CASP9: variants seen among roughly 807,000 people sequenced by gnomAD.
CASP9 encodes caspase 9.
In CASP9, 29 loss-of-function variants were observed where a neutral mutation model predicts 43.5. The ratio of observed to expected loss-of-function variants is 0.67; its 90% confidence interval spans 0.50 to 0.91. CASP9 has a LOEUF of 0.91. Among genes scored for constraint, CASP9 ranks in the 40% least tolerant of loss-of-function variants. CASP9 has a pLI of 0.00. For missense variants in CASP9, 575 were observed against 537.4 expected (o/e 1.07, Z -0.69); for synonymous variants, 206 against 211.9 (o/e 0.97, Z 0.24).
chr1:15,524,052 G>C lies in CASP9; in HGVS notation c.132+17C>G. The C allele has an allele frequency of 7.0e-7, 1 of 1,433,990 alleles. No homozygotes were observed. The highest frequency in any genetic ancestry group is 1.3e-5 in the South Asian group (1 of 78,996). 88.8% of individuals were successfully genotyped at this position (1,433,990 alleles called of 1,614,324 possible). ...GACCCGGCCGTGCAGCGCGGGGACA[G>C]GGGGCCGGGGGCGCACCTGGATGTC... On this transcript the variant is annotated intron_variant, in intron 1 of 8. Transcript: ENST00000333868.
At position 15,494,047 on chromosome 1, in the gene CASP9, G is replaced by A. The variant is rs563825072; in HGVS notation, c.1049-46C>T. The A allele has an allele frequency of 4.4e-5, 67 of 1,539,158 alleles. 1 individual carries two copies. Among genetic ancestry groups the A allele is most frequent in the Non-Finnish European group, 5.6e-5 (64 of 1,146,486 alleles). On this transcript the variant is annotated intron_variant, in intron 7 of 8. Transcript: ENST00000333868. ...AACACTGCTGGAGAGCCACCCCTCCGCCGGCTCCCCACCACCCCTCTGGCC... is the reference window on the plus strand; with the variant it reads ...AACACTGCTGGAGAGCCACCCCTCCACCGGCTCCCCACCACCCCTCTGGCC...
At chr1:15,520,612 C>T (rs1003951900) in intron 1 of CASP9, among the ~76,000 whole-genome samples, 1 of 152,190 alleles carries the variant, frequency 6.6e-6, no homozygotes, top group African/African-American at 2.4e-5. Flanking sequence ...CTTGGTCAAG[C>T]GGTAATGCCA....
chr1:15,498,078 GT>G (rs1326411982), intron 6 of CASP9, among the ~76,000 whole-genome samples: 1 of 151,720 alleles, frequency 6.6e-6, no homozygotes, highest in Admixed American at 6.6e-5. Flanking sequence ...TTGGGGGATT[GT>G]TTTTTGTTTT....
chr1:15,513,393 A>C (rs767806144), intron 2 of CASP9, among the ~76,000 whole-genome samples: 2 of 152,122 alleles, frequency 1.3e-5, no homozygotes, highest in African/African-American at 2.4e-5. Flanking sequence ...CCTCCCGGGC[A>C]AGAGGCCCTG....
At chr1:15,495,546 AGT>A in intron 6 of CASP9, 94 bp from the exon 7 acceptor site, 1 of 1,113,340 alleles carries the variant, frequency 9.0e-7, no homozygotes, top group Non-Finnish European at 1.2e-6. Context: ...CTACATTAAC[AGT>A]GTGAAAGGAA....
chr1:15,522,528 C>G (rs1710243641), intron 1 of CASP9, among the ~76,000 whole-genome samples: 1 of 151,912 alleles, frequency 6.6e-6, no homozygotes, highest in South Asian at 2.1e-4. Flanking sequence ...GGCAACATAG[C>G]AAGACTCCTA....
chr1:15,516,064 T>C (rs890049578), intron 2 of CASP9, among the ~76,000 whole-genome samples: 1 of 151,986 alleles, frequency 6.6e-6, no homozygotes, highest in Admixed American at 6.6e-5. Context: ...TAGCCAGGCA[T>C]GGTGGCGGCT....
Position 15,518,376 on chromosome 1 carries a change from C to T in CASP9, c.152G>A (p.Arg51Gln), listed in dbSNP as rs755995677. 5 of 1,612,432 alleles carry T rather than the reference C, an allele frequency of 3.1e-6. No individual in the cohort carries two copies. Among genetic ancestry groups the T allele is most frequent in the South Asian group, 1.1e-5 (1 of 91,086 alleles). ...EDIQRAGSGS[R>Q]RDQARQLIID... ...GATCAGCTGCCTGGCCTGATCCCGC[C>T]GAGATCCAGAGCCTGCCCGCTGTTT... The change falls in exon 2 of 9, where the codon CGG becomes CAG. Residue 51 changes from arginine (R) to glutamine (Q), a missense_variant. Coordinates refer to ENST00000333868, the MANE Select transcript of CASP9 (RefSeq NM_001229.5).
intron 1 of CASP9, among the ~76,000 whole-genome samples, chr1:15,521,772 G>T (rs996788588): frequency 1.3e-5 from 2 of 148,736 alleles, no homozygotes; most frequent in African/African-American, 2.6e-5. Flanking sequence ...GGGCCCAGCT[G>T]TCTTTTTTTC....
At chr1:15,500,523 T>G (rs1172197189) in intron 6 of CASP9, among the ~76,000 whole-genome samples, 1 of 152,200 alleles carries the variant, frequency 6.6e-6, no homozygotes, top group African/African-American at 2.4e-5. Context: ...CCAGCTGATA[T>G]GAGGGGCGCG....
Position 15,495,369 on chromosome 1 carries a change from G to T in CASP9, c.952C>A (p.Pro318Thr). ...AAGGTCCTCAAACCTTCCTGGAACG[G>T]GGTGGCATCTGGCTCGGGGTTACTG... ...PGSNPEPDAT[P>T]FQEGLRTFDQ... is the part of the protein sequence containing the mutation. The change falls in exon 7 of 9, where the codon CCG becomes ACG. Residue 318 changes from proline to threonine, a missense_variant. Pro to Thr is a conservative substitution (Grantham distance 38, BLOSUM62 -1). Coordinates refer to ENST00000333868, the MANE Select transcript of CASP9 (RefSeq NM_001229.5). The T allele has an allele frequency of 6.2e-7, 1 of 1,609,668 alleles. No homozygotes were observed. Among genetic ancestry groups the T allele is most frequent in the Non-Finnish European group, 8.5e-7 (1 of 1,178,432 alleles).
chr1:15,518,874 GT>G (rs67264894), intron 1 of CASP9, among the ~76,000 whole-genome samples: 88,930 of 148,748 alleles, frequency 0.6, 26,813 homozygotes, highest in African/African-American at 0.71. Context: ...TTTTGTTTTT[GT>G]TTTTTTTTTT....
intron 2 of CASP9, among the ~76,000 whole-genome samples, chr1:15,513,619 C>T (rs757255779): frequency 2.6e-5 from 4 of 152,154 alleles, no homozygotes; most frequent in Non-Finnish European, 5.9e-5. Context: ...GAACTGAGTA[C>T]CTGCCCCTCT....
Position 15,492,865 on chromosome 1 carries a change from T to G in CASP9, c.*78A>C, listed in dbSNP as rs1237664765. 2 of 1,579,704 alleles carry G rather than the reference T, an allele frequency of 1.3e-6. No individual in the cohort carries two copies. The highest frequency in any genetic ancestry group is 2.7e-5 in the African/African-American group (2 of 73,632). On this transcript the variant is annotated 3_prime_UTR_variant, in exon 9 of 9. Coordinates refer to ENST00000333868, the MANE Select transcript of CASP9 (RefSeq NM_001229.5). ...GCAAAGTCCTTGAGTTGCAGGAAAGTCCAGGCCTCAGCCTCTTTCAGGCCT... is the reference window on the plus strand; with the variant it reads ...GCAAAGTCCTTGAGTTGCAGGAAAGGCCAGGCCTCAGCCTCTTTCAGGCCT...
intron 1 of CASP9, among the ~76,000 whole-genome samples, chr1:15,523,520 G>A (rs998363998): frequency 2.0e-5 from 3 of 152,206 alleles, no homozygotes; most frequent in Admixed American, 6.5e-5. Flanking sequence ...TTCCTGAGCA[G>A]ACAAAACCAA....
chr1:15,522,337 G>A (rs2103385155), intron 1 of CASP9, among the ~76,000 whole-genome samples: 1 of 152,330 alleles, frequency 6.6e-6, no homozygotes, highest in African/African-American at 2.4e-5. Flanking sequence ...TTCCCACAAG[G>A]TTCTTAAAAA....
intron 5 of CASP9, among the ~76,000 whole-genome samples, chr1:15,505,497 A>C (rs4646045): frequency 6.6e-6 from 1 of 152,072 alleles, no homozygotes; most frequent in Admixed American, 6.5e-5. Context: ...GCCCCAGCTT[A>C]TAACTGTGAT....
intron 6 of CASP9, among the ~76,000 whole-genome samples, chr1:15,502,652 G>A (rs1709368806): frequency 6.6e-6 from 1 of 152,134 alleles, no homozygotes; most frequent in Non-Finnish European, 1.5e-5. Context: ...TCCTAAGAGT[G>A]ACAGCAGATA....
At chr1:15,509,741 G>A (rs1173261690) in intron 2 of CASP9, among the ~76,000 whole-genome samples, 1 of 152,172 alleles carries the variant, frequency 6.6e-6, no homozygotes, top group Non-Finnish European at 1.5e-5. Flanking sequence ...GCAGAAAGAG[G>A]TGAGAGAAGC....
Sources: gnomAD v4.1 joint callset for allele counts (sites outside exome capture counted in the v4.1 genomes callset) on GRCh38, gnomAD v4.1.1 for gene constraint, MANE v1.5 for transcripts, NCBI Gene and HGNC (gene_info 2026-07-23, HGNC 2026-07-21) for gene names.